Variants in GABRG3 observed in about 807,000 individuals in gnomAD.
The protein encoded by GABRG3 is gamma-aminobutyric acid receptor subunit gamma-3.
A neutral mutation model predicts 48.8 loss-of-function variants in GABRG3; 25 were observed. That is an observed-to-expected ratio of 0.51 (90% CI 0.37 to 0.72). The LOEUF is 0.72. Among genes scored for constraint, GABRG3 ranks in the 30% least tolerant of loss-of-function variants. GABRG3 has a pLI of 0.00. For missense variants in GABRG3, 394 were observed against 577.9 expected (o/e 0.68, Z 3.26); for synonymous variants, 227 against 217.6 (o/e 1.04, Z -0.38).
At chr15:27,036,920 T>C (rs6606863) in intron 3 of GABRG3, among the ~76,000 whole-genome samples, 101,162 of 151,654 alleles carry the variant, frequency 0.67, 33,767 homozygotes, top group East Asian at 0.73. Flanking sequence ...AGATGTAATT[T>C]ATTAAGATCA....
chr15:27,092,367 A>G (rs1056114793), intron 3 of GABRG3, among the ~76,000 whole-genome samples: 12 of 152,066 alleles, frequency 7.9e-5, no homozygotes, highest in Middle Eastern at 3.2e-3. Context: ...CGTGTCTTTC[A>G]TGTTTTCTCT....
At chr15:27,272,434 C>T (rs1891120267) in intron 3 of GABRG3, among the ~76,000 whole-genome samples, 2 of 152,130 alleles carry the variant, frequency 1.3e-5, no homozygotes, top group African/African-American at 4.8e-5. Flanking sequence ...TTTATGTTGT[C>T]ATTGATCTTA....
In GABRG3 at chr15:27,156,365, T is replaced by A. The variant is rs73373439; in HGVS notation, c.270+129544T>A. On this transcript the variant is annotated intron_variant, in intron 3 of 9. Coordinates refer to ENST00000615808, the MANE Select transcript of GABRG3 (RefSeq NM_033223.5). Reference sequence around the variant, plus strand: ...CTGTCTTGTTAGGATGCCCCTTTACTTGTCCTTTAACTAGAGAGAGCTGGC... The same window carrying A: ...CTGTCTTGTTAGGATGCCCCTTTACATGTCCTTTAACTAGAGAGAGCTGGC... Among the ~76,000 whole-genome samples the A allele has an allele frequency of 5.7e-3, 869 of 151,848 alleles. 8 individuals are homozygous for A. The highest frequency in any genetic ancestry group is 0.02 in the African/African-American group (818 of 41,422).
chr15:27,138,970 A>G (rs1189685285), intron 3 of GABRG3, among the ~76,000 whole-genome samples: 1 of 152,164 alleles, frequency 6.6e-6, no homozygotes, highest in Non-Finnish European at 1.5e-5. Context: ...AGGGTTCTCC[A>G]GAGAGGAAGA....
At chr15:27,501,688 A>G (rs754468712) in intron 6 of GABRG3, among the ~76,000 whole-genome samples, 21 of 152,148 alleles carry the variant, frequency 1.4e-4, no homozygotes, top group Non-Finnish European at 2.2e-4. Context: ...TGCTTATGAA[A>G]CATCTTAGCC....
At position 27,308,526 on chromosome 15, in the gene GABRG3, G is replaced by A. The variant is rs951063228; in HGVS notation, c.271-18283G>A. 3.4e-5 allele frequency among the ~76,000 whole-genome samples: 5 copies of A among 145,976 alleles called. No individual in the cohort carries two copies. In the East Asian group the frequency reaches 1.1e-3, roughly 31 times the overall value. On this transcript the variant is annotated intron_variant, in intron 3 of 9. Coordinates refer to ENST00000615808, the MANE Select transcript of GABRG3 (RefSeq NM_033223.5). ...ATATAAACATAATGTAAACATACAT[G>A]TTTATATAAACATATATAATGTAAA...
chr15:27,177,538 A>AT (rs1378291510), intron 3 of GABRG3, among the ~76,000 whole-genome samples: 2 of 152,230 alleles, frequency 1.3e-5, no homozygotes, highest in Non-Finnish European at 2.9e-5. Context: ...GACTGTTATC[A>AT]TTCTTGCTTC....
Position 27,027,920 on chromosome 15 carries a change from G to A in GABRG3, c.270+1099G>A, listed in dbSNP as rs575403497. ...ATTTTCTTGCATTTGTTCCACAACCGTTTATTCAACACCTTTACGTCTAAC... is the reference window on the plus strand; with the variant it reads ...ATTTTCTTGCATTTGTTCCACAACCATTTATTCAACACCTTTACGTCTAAC... On this transcript the variant is annotated intron_variant, in intron 3 of 9. Coordinates refer to ENST00000615808, the MANE Select transcript of GABRG3 (RefSeq NM_033223.5). Among the ~76,000 whole-genome samples the A allele has an allele frequency of 7.0e-4, 106 of 152,266 alleles. 1 individual carries two copies. The South Asian group carries it at 0.018, about 25-fold the overall frequency.
rs1893331954 is a variant in GABRG3, at chr15:27,319,071, AAAAT to A, written c.271-7734_271-7731del. On this transcript the variant is annotated intron_variant, in intron 3 of 9. Transcript: ENST00000615808. The surrounding 1 kb of genome is among the most constrained non-coding windows in gnomAD (Gnocchi z 4.4). ...TCATAAATGTTCTCACCACCATAAA[AAAAT>A]AAAAGGCAACTGTGAGGTGATGGAT... 6.6e-6 allele frequency among the ~76,000 whole-genome samples: 1 copy of A among 152,232 alleles called. No homozygotes were observed. Among genetic ancestry groups the A allele is most frequent in the Non-Finnish European group, 1.5e-5 (1 of 68,036 alleles).
At chr15:27,518,435 T>C (rs1891081398) in intron 6 of GABRG3, among the ~76,000 whole-genome samples, 1 of 151,770 alleles carries the variant, frequency 6.6e-6, no homozygotes, top group Non-Finnish European at 1.5e-5. Flanking sequence ...TAATTTATTA[T>C]GGTTAGCCAA....
At chr15:27,195,111 A>T (rs10152366) in intron 3 of GABRG3, among the ~76,000 whole-genome samples, 2 of 244 alleles carry the variant, frequency 8.2e-3, no homozygotes, top group African/African-American at 0.019. Context: ...GAGCTTTTTC[A>T]TTTAGGAATT....
At chr15:27,451,994 G>A (rs986941588) in intron 5 of GABRG3, among the ~76,000 whole-genome samples, 7 of 152,168 alleles carry the variant, frequency 4.6e-5, no homozygotes, top group Non-Finnish European at 1.5e-5. Flanking sequence ...AGAGATCTTT[G>A]TACTATTCTT....
intron 3 of GABRG3, among the ~76,000 whole-genome samples, chr15:27,084,693 T>C (rs1897046768): frequency 6.6e-6 from 1 of 152,216 alleles, no homozygotes; most frequent in Non-Finnish European, 1.5e-5. Flanking sequence ...GCAAATTGGG[T>C]ACTGTGTAGG....
intron 6 of GABRG3, among the ~76,000 whole-genome samples, chr15:27,488,203 T>C (rs34228809): frequency 2.0e-5 from 3 of 152,128 alleles, no homozygotes; most frequent in Admixed American, 1.3e-4. Context: ...TAAGCATTGA[T>C]GTCATTCCTC....
intron 3 of GABRG3, among the ~76,000 whole-genome samples, chr15:27,075,908 T>C (rs182751966): frequency 1.3e-5 from 2 of 152,288 alleles, no homozygotes; most frequent in East Asian, 3.9e-4. Flanking sequence ...AGATGCTATG[T>C]GTCTGTTCTA....
chr15:27,312,659 G>A (rs925673530), intron 3 of GABRG3, among the ~76,000 whole-genome samples: 4 of 152,038 alleles, frequency 2.6e-5, no homozygotes, highest in Non-Finnish European at 5.9e-5. Flanking sequence ...AAAATAACTG[G>A]AAACCAAGAA....
intron 3 of GABRG3, among the ~76,000 whole-genome samples, chr15:27,138,671 C>A (rs565461845): frequency 6.6e-6 from 1 of 152,256 alleles, no homozygotes; most frequent in South Asian, 2.1e-4. Flanking sequence ...TGTGCCAATC[C>A]CAGGCTTTCG....
chr15:27,233,652 G>T (rs1889868997), intron 3 of GABRG3, among the ~76,000 whole-genome samples: 1 of 152,170 alleles, frequency 6.6e-6, no homozygotes. Flanking sequence ...ACCTTGGGGA[G>T]TCGACTTTCA....
intron 2 of GABRG3, among the ~76,000 whole-genome samples, chr15:26,998,571 T>C (rs1895383786): frequency 6.6e-6 from 1 of 152,108 alleles, no homozygotes; most frequent in Non-Finnish European, 1.5e-5. Flanking sequence ...CCCCTAACTA[T>C]GAGGAAGGCC....
Sources: gnomAD v4.1 joint callset for allele counts (sites outside exome capture counted in the v4.1 genomes callset) on GRCh38, gnomAD v4.1.1 for gene constraint, Gnocchi (gnomAD v3.1) non-coding constraint, MANE v1.5 for transcripts, NCBI Gene and HGNC (gene_info 2026-07-23, HGNC 2026-07-21) for gene names.